Variants in ARHGAP5 observed in about 807,000 individuals in gnomAD.
ARHGAP5 encodes the protein Rho GTPase activating protein 5.
Under a neutral mutation model 116.6 loss-of-function variants are expected in ARHGAP5, and 23 were observed. That is an observed-to-expected ratio of 0.20 (90% confidence interval 0.14 to 0.28). The LOEUF (loss-of-function observed/expected upper bound fraction) is 0.28. ARHGAP5 is among the 10% of genes least tolerant of loss of function. ARHGAP5 has a pLI of 1.00. For synonymous variants in ARHGAP5, 574 were observed against 602.0 expected (o/e 0.95, Z 0.68); for missense variants, 1,405 against 1,774.8 (o/e 0.79, Z 3.74).
At chr14:32,139,789 CTT>C (rs1448438799) in intron 3 of ARHGAP5, among the ~76,000 whole-genome samples, 2 of 150,596 alleles carry the variant, frequency 1.3e-5, no homozygotes, top group Non-Finnish European at 3.0e-5. Context: ...AAGTTGGAAT[CTT>C]TTTAAATCAA....
Position 32,093,612 on chromosome 14 carries a change from AGAT to A in ARHGAP5, c.2949_2951del (p.Asp984del). On this transcript the variant is annotated inframe_deletion, in exon 2 of 7. Coordinates refer to ENST00000345122, the MANE Select transcript of ARHGAP5 (RefSeq NM_001030055.2). The stretch of plus-strand genomic sequence containing the variant: ...TTCCCTATAATAACTACCCTGATTC[AGAT>A]GATGACACAGAAGCACCACCTCCTT... 1.2e-6 allele frequency: 2 copies of A among 1,613,826 alleles called. No homozygotes were observed. The highest frequency in any genetic ancestry group is 1.7e-6 in the Non-Finnish European group (2 of 1,179,890).
At chr14:32,132,718 G>T (rs1594381981) in intron 3 of ARHGAP5, among the ~76,000 whole-genome samples, 2 of 152,184 alleles carry the variant, frequency 1.3e-5, no homozygotes, top group African/African-American at 2.4e-5. Context: ...TATGGTTTTA[G>T]GTCTAACATT....
At chr14:32,132,984 T>C (rs945103178) in intron 3 of ARHGAP5, among the ~76,000 whole-genome samples, 7 of 152,238 alleles carry the variant, frequency 4.6e-5, no homozygotes, top group Non-Finnish European at 7.3e-5. Flanking sequence ...TTTTGGTTAC[T>C]GTAGCCTTGT....
At position 32,159,374 on chromosome 14, in the gene ARHGAP5, C is replaced by G. The variant is rs1339928925; in HGVS notation, c.*4426C>G. On this transcript the variant is annotated 3_prime_UTR_variant, in exon 7 of 7. Transcript: ENST00000345122. ...ACAATTTAATAACGGCCCTCCTGTT[C>G]TAGTTTGCCTAATATTTTAGTTAAG... The G allele has an allele frequency of 6.6e-6, 1 of 152,048 alleles. No individual in the cohort carries two copies. Among genetic ancestry groups the G allele is most frequent in the Non-Finnish European group, 1.5e-5 (1 of 67,952 alleles). 9.4% of individuals were successfully genotyped at this position (152,048 alleles called of 1,614,324 possible). A position where few individuals can be genotyped will look rare whatever the true frequency, so the allele number is the denominator to read the frequency against.
In ARHGAP5 at chr14:32,092,973, T is replaced by C. The variant is rs146041775; in HGVS notation, c.2304T>C (p.Pro768=). The C allele has an allele frequency of 9.2e-3, 14,846 of 1,614,074 alleles. 86 individuals carry two copies. The highest frequency in any genetic ancestry group is 0.012 in the Middle Eastern group (70 of 6,062). The change falls in exon 2 of 7, where the codon CCT becomes CCC. Residue 768 remains proline, a synonymous_variant. Transcript: ENST00000345122. This position sits in a 1 kb window ranked among gnomAD's most constrained non-coding sequence, Gnocchi z 4.1. The stretch of plus-strand genomic sequence containing the variant: ...ATTTGGATGTGGTGAGCCCAATTCC[T>C]GCCAATAAGGACTTATCAGAAGCTG... ...KHNLDVVSPI[P]ANKDLSEADL... is the part of the protein sequence containing the mutation.
chr14:32,149,377 C>T (rs996269333), intron 4 of ARHGAP5, among the ~76,000 whole-genome samples: 2 of 151,970 alleles, frequency 1.3e-5, no homozygotes, highest in African/African-American at 4.8e-5. Flanking sequence ...AGTAAAGTTC[C>T]TCAATATACT....
intron 3 of ARHGAP5, among the ~76,000 whole-genome samples, chr14:32,130,925 C>G (rs533247036): frequency 2.6e-5 from 4 of 152,262 alleles, no homozygotes; most frequent in South Asian, 4.1e-4. Flanking sequence ...TCTCTAGATT[C>G]ACCGAGTAAA....
chr14:32,131,325 T>G (rs947148457), intron 3 of ARHGAP5, among the ~76,000 whole-genome samples: 3 of 151,958 alleles, frequency 2.0e-5, no homozygotes, highest in African/African-American at 7.2e-5. Context: ...ATTAATTGTG[T>G]TAATTTTGTT....
chr14:32,134,003 G>A (rs542094390), intron 3 of ARHGAP5, among the ~76,000 whole-genome samples: 6 of 152,178 alleles, frequency 3.9e-5, no homozygotes, highest in African/African-American at 1.2e-4. Flanking sequence ...ACCAAAGCCT[G>A]GCAGAGACAC....
At chr14:32,124,256 A>ATGTTCAG (rs2139085837) in intron 3 of ARHGAP5, among the ~76,000 whole-genome samples, 2 of 152,220 alleles carry the variant, frequency 1.3e-5, no homozygotes, top group South Asian at 2.1e-4. Flanking sequence ...ATTAATGTTC[A>ATGTTCAG]TGTTCAGTGA....
At chr14:32,118,301 A>G (rs771328918) in intron 3 of ARHGAP5, among the ~76,000 whole-genome samples, 4 of 152,082 alleles carry the variant, frequency 2.6e-5, no homozygotes, top group Non-Finnish European at 5.9e-5. Context: ...GATCAAGACC[A>G]TCCTGGCCAA....
In ARHGAP5 at chr14:32,090,684, C is replaced by A; in HGVS notation, c.15C>A (p.Asn5Lys). The A allele has an allele frequency of 6.3e-7, 1 of 1,598,578 alleles. No homozygotes were observed. ...AGAAGAGAGTTATGATGGCAAAAAA[C>A]AAAGAGCCTCGTCCCCCATCCTATA... Reference protein sequence around the residue: MMAKNKEPRPPSYTI... With the variant: MMAKKKEPRPPSYTI... Residue 5 changes from asparagine to lysine, a missense_variant, in exon 2 of 7, where the codon AAC becomes AAA. Physicochemically the swap from Asn to Lys is moderately conservative, Grantham distance 94 (BLOSUM62 0). Transcript: ENST00000345122.
At chr14:32,111,838 G>GTTTTTTTTTTTTTTTTTTTTTTTTTT (rs1491078085) in intron 2 of ARHGAP5, among the ~76,000 whole-genome samples, 1 of 116,044 alleles carries the variant, frequency 8.6e-6, no homozygotes. Context: ...CTTCTTCTTT[G>GTTTTTTTTTTTTTTTTTTTTTTTTTT]ATTTTTTTTT....
chr14:32,088,486 A>G (rs955541136), intron 1 of ARHGAP5, among the ~76,000 whole-genome samples: 1 of 151,982 alleles, frequency 6.6e-6, no homozygotes, highest in African/African-American at 2.4e-5. Flanking sequence ...CACTGTGTAT[A>G]TAACTTTGTT....
At chr14:32,134,053 C>T (rs1264609908) in intron 3 of ARHGAP5, among the ~76,000 whole-genome samples, 2 of 152,148 alleles carry the variant, frequency 1.3e-5, no homozygotes, top group Non-Finnish European at 2.9e-5. Flanking sequence ...CCTTGATGAA[C>T]ATCAATGCAA....
chr14:32,146,431 T>C, intron 4 of ARHGAP5, 91 bp downstream of exon 4: 1 of 931,146 alleles, frequency 1.1e-6, no homozygotes, highest in Non-Finnish European at 1.7e-6. Context: ...ATTTGAAAAC[T>C]TCCTAAGGAT....
At chr14:32,147,954 C>T (rs1881457008) in intron 4 of ARHGAP5, among the ~76,000 whole-genome samples, 1 of 152,128 alleles carries the variant, frequency 6.6e-6, no homozygotes, top group Admixed American at 6.5e-5. Flanking sequence ...GGAGTTCTAG[C>T]CCAGCCTGGG....
chr14:32,130,929 G>A (rs940364584), intron 3 of ARHGAP5, among the ~76,000 whole-genome samples: 6 of 152,116 alleles, frequency 3.9e-5, no homozygotes, highest in Admixed American at 6.6e-5. Context: ...TAGATTCACC[G>A]AGTAAACTTT....
intron 3 of ARHGAP5, among the ~76,000 whole-genome samples, chr14:32,127,106 T>A (rs1880201125): frequency 6.6e-6 from 1 of 151,580 alleles, no homozygotes; most frequent in Non-Finnish European, 1.5e-5. Flanking sequence ...CAAGTGATTC[T>A]CCTGCCTCAG....
Sources: allele counts gnomAD v4.1 joint callset (sites outside exome capture counted in the v4.1 genomes callset), GRCh38; gene constraint gnomAD v4.1.1; non-coding constraint Gnocchi (gnomAD v3.1); transcripts MANE v1.5; gene names NCBI Gene and HGNC (gene_info 2026-07-23, HGNC 2026-07-21).